NCAM2: variants seen among roughly 807,000 people sequenced by gnomAD.
The protein encoded by NCAM2 is N-CAM-2.
A neutral mutation model predicts 98.1 loss-of-function variants in NCAM2; 30 were observed. The ratio of observed to expected loss-of-function variants is 0.31; its 90% CI spans 0.23 to 0.41. NCAM2 has a LOEUF of 0.41. NCAM2 is among the 10% of genes least tolerant of loss of function. The pLI, the probability that NCAM2 is intolerant of heterozygous loss-of-function variation, is 1.00. For missense variants in NCAM2, 867 were observed against 1,005.8 expected, an observed-to-expected ratio of 0.86 and a Z score of 1.87; for synonymous variants, 368 against 342.4, an observed-to-expected ratio of 1.07 and a Z score of -0.83.
chr21:21,317,828 C>A (rs567160684), intron 5 of NCAM2, among the ~76,000 whole-genome samples: 1 of 152,226 alleles, frequency 6.6e-6, no homozygotes, highest in South Asian at 2.1e-4. Flanking sequence ...AGCCACCAGG[C>A]CTTGACTTCT....
intron 16 of NCAM2, among the ~76,000 whole-genome samples, chr21:21,517,102 A>G (rs867873222): frequency 1.3e-5 from 2 of 151,962 alleles, no homozygotes; most frequent in Admixed American, 1.3e-4. Flanking sequence ...CTCCCAAATT[A>G]TTTTCTGTTT....
chr21:21,385,742 C>A, intron 9 of NCAM2: 1 of 942,388 alleles, frequency 1.1e-6, no homozygotes. Flanking sequence ...CAGTTTAATG[C>A]AGTAAGCACT....
At chr21:21,176,812 T>C (rs1349082512) in intron 1 of NCAM2, among the ~76,000 whole-genome samples, 1 of 151,838 alleles carries the variant, frequency 6.6e-6, no homozygotes, top group Non-Finnish European at 1.5e-5. Flanking sequence ...TTATCTGTAC[T>C]AGAGAATTGC....
intron 1 of NCAM2, among the ~76,000 whole-genome samples, chr21:21,175,532 C>CA (rs1378997806): frequency 1.3e-5 from 2 of 148,418 alleles, no homozygotes; most frequent in Non-Finnish European, 3.0e-5. Flanking sequence ...GACTCCGTCT[C>CA]AAAAAAAATA....
chr21:21,275,440 A>T (rs1412058145), intron 1 of NCAM2, among the ~76,000 whole-genome samples: 2 of 151,860 alleles, frequency 1.3e-5, no homozygotes, highest in Admixed American at 6.6e-5. Context: ...ACTCTGTCAT[A>T]AAAAAATAAA....
At chr21:21,094,548 T>C (rs1481939182) in intron 1 of NCAM2, among the ~76,000 whole-genome samples, 1 of 151,856 alleles carries the variant, frequency 6.6e-6, no homozygotes, top group Non-Finnish European at 1.5e-5. Flanking sequence ...GATAAACTGT[T>C]ATTTAGAATT....
At chr21:21,408,284 G>A (rs1240906594) in intron 9 of NCAM2, among the ~76,000 whole-genome samples, 1 of 152,164 alleles carries the variant, frequency 6.6e-6, no homozygotes, top group Non-Finnish European at 1.5e-5. Context: ...GCAGGTATAT[G>A]CCGAGCTAAT....
At chr21:21,328,366 C>G (rs886449953) in intron 6 of NCAM2, among the ~76,000 whole-genome samples, 1 of 152,112 alleles carries the variant, frequency 6.6e-6, no homozygotes, top group Non-Finnish European at 1.5e-5. Context: ...ACTCCTTCTA[C>G]TTATAAAAGA....
chr21:21,351,581 TATTAA>T (rs980384018), intron 8 of NCAM2, among the ~76,000 whole-genome samples: 4 of 152,232 alleles, frequency 2.6e-5, no homozygotes, highest in Non-Finnish European at 5.9e-5. Flanking sequence ...AACTTTTCTT[TATTAA>T]ATTAAACCAT....
rs145207547 is a variant in NCAM2, at chr21:21,087,916, C to T, written c.55+89298C>T. On this transcript the variant is annotated intron_variant, in intron 1 of 17. Transcript: ENST00000400546. ...AGGGAATCGATATAAGAGTCATATTCATATGTCAGGAGTAAGTCATGTCAT... is the reference window on the plus strand; with the variant it reads ...AGGGAATCGATATAAGAGTCATATTTATATGTCAGGAGTAAGTCATGTCAT... Among the ~76,000 whole-genome samples, 369 of 152,276 alleles carry T rather than the reference C, an allele frequency of 2.4e-3. 2 individuals carry two copies. Among genetic ancestry groups the T allele is most frequent in the South Asian group, 4.4e-3 (21 of 4,818 alleles).
chr21:21,439,254 G>A (rs1167476221), intron 12 of NCAM2, among the ~76,000 whole-genome samples: 3 of 151,964 alleles, frequency 2.0e-5, no homozygotes, highest in African/African-American at 7.3e-5. Context: ...GAGTAGCTGG[G>A]ATTACAGGTG....
chr21:21,350,190 C>T (rs2075297550), intron 8 of NCAM2, among the ~76,000 whole-genome samples: 1 of 151,754 alleles, frequency 6.6e-6, no homozygotes, highest in Admixed American at 6.6e-5. Flanking sequence ...AATACATACA[C>T]CTACTATGTA....
intron 1 of NCAM2, among the ~76,000 whole-genome samples, chr21:21,075,769 T>C (rs2065668189): frequency 6.6e-6 from 1 of 152,164 alleles, no homozygotes; most frequent in African/African-American, 2.4e-5. Flanking sequence ...ACATATAGTT[T>C]TTCTCCTTTA....
chr21:21,541,691 G>C lies in NCAM2; in HGVS notation c.*3734G>C, dbSNP rs1602593780. ...ACTGACGAAAATATGTACAGTTCAA[G>C]AAGTAGAAATAATATTTTCCATTAG... On this transcript the variant is annotated 3_prime_UTR_variant, in exon 18 of 18. Transcript: ENST00000400546. The C allele has an allele frequency of 6.6e-6, 1 of 151,580 alleles. No individual in the cohort carries two copies. The highest frequency in any genetic ancestry group is 1.5e-5 in the Non-Finnish European group (1 of 67,702). 9.4% of individuals were successfully genotyped at this position (151,580 alleles called of 1,614,324 possible). A position where few individuals can be genotyped will look rare whatever the true frequency, so the allele number is the denominator to read the frequency against.
intron 1 of NCAM2, among the ~76,000 whole-genome samples, chr21:21,142,377 G>GGTT (rs1475439057): frequency 9.3e-6 from 1 of 107,190 alleles, no homozygotes; most frequent in African/African-American, 3.7e-5. Flanking sequence ...TTTTTTTTAT[G>GGTT]TTTTTTTTTT....
chr21:21,488,878 T>A (rs1048755092), intron 15 of NCAM2, among the ~76,000 whole-genome samples: 2 of 151,946 alleles, frequency 1.3e-5, no homozygotes, highest in African/African-American at 4.8e-5. Flanking sequence ...TATGTAACTT[T>A]ATGTGTTTTA....
chr21:21,335,486 C>A lies in NCAM2; in HGVS notation c.738-19C>A, dbSNP rs760110841. 104 of 1,571,556 alleles carry A rather than the reference C, an allele frequency of 6.6e-5. No homozygotes were observed. Among genetic ancestry groups the A allele is most frequent in the Non-Finnish European group, 8.4e-5 (98 of 1,162,950 alleles). ...ATAAAGCCAGATCTGTGAGGATGAA[C>A]CTCTTTTTTCTTCTTTAGGAATGGC... On this transcript the variant is annotated intron_variant, in intron 6 of 17. Transcript: ENST00000400546.
chr21:21,456,962 A>G (rs1238754933), intron 12 of NCAM2, among the ~76,000 whole-genome samples: 1 of 152,188 alleles, frequency 6.6e-6, no homozygotes, highest in African/African-American at 2.4e-5. Context: ...CTTGTTTATA[A>G]GCCACTTAGT....
chr21:21,310,117 A>G (rs985110406), intron 5 of NCAM2, among the ~76,000 whole-genome samples: 1 of 152,182 alleles, frequency 6.6e-6, no homozygotes. Context: ...CTCATTCTGT[A>G]CTAAACTCAA....
Sources: allele counts gnomAD v4.1 joint callset (sites outside exome capture counted in the v4.1 genomes callset), GRCh38; gene constraint gnomAD v4.1.1; transcripts MANE v1.5; gene names NCBI Gene and HGNC (gene_info 2026-07-23, HGNC 2026-07-21).